Variants in HDGFL3 observed in about 807,000 individuals in gnomAD.
HDGFL3 encodes the protein HDGF like 3.
HDGFL3 carries 6 observed loss-of-function variants against 27.6 expected under a neutral mutation model. The ratio of observed to expected loss-of-function variants is 0.22; its 90% CI spans 0.12 to 0.43. The LOEUF is 0.43. Ranked by LOEUF, HDGFL3 falls within the 20% of genes least tolerant of loss-of-function variation. The pLI is 1.00. For synonymous variants in HDGFL3, 88 were observed against 88.9 expected (o/e 0.99, Z 0.05); for missense variants, 207 against 250.1 (o/e 0.83, Z 1.16).
At chr15:83,205,120 C>CT (rs1015244275) in intron 1 of HDGFL3, among the ~76,000 whole-genome samples, 2 of 152,110 alleles carry the variant, frequency 1.3e-5, no homozygotes, top group Admixed American at 6.5e-5. Flanking sequence ...ATAAGCAAGA[C>CT]TTTTTTTCCC....
chr15:83,141,381 A>T (rs773208392), intron 5 of HDGFL3, among the ~76,000 whole-genome samples: 2 of 152,236 alleles, frequency 1.3e-5, no homozygotes, highest in African/African-American at 4.8e-5. Flanking sequence ...CAGAAGCCGT[A>T]AGGATCTTTT....
intron 1 of HDGFL3, among the ~76,000 whole-genome samples, chr15:83,180,279 G>A (rs753687216): frequency 6.6e-6 from 1 of 152,106 alleles, no homozygotes; most frequent in Non-Finnish European, 1.5e-5. Flanking sequence ...ATTATTATGA[G>A]GTTATAGAAT....
downstream of HDGFL3, among the ~76,000 whole-genome samples, chr15:83,125,548 T>C (rs545729576): frequency 1.3e-5 from 2 of 152,370 alleles, no homozygotes; most frequent in South Asian, 2.1e-4. Context: ...GAGGCTCTTA[T>C]ACATAGTAAA....
At chr15:83,194,541 T>C (rs1025541146) in intron 1 of HDGFL3, among the ~76,000 whole-genome samples, 3 of 152,244 alleles carry the variant, frequency 2.0e-5, no homozygotes, top group Non-Finnish European at 4.4e-5. Context: ...ATTATTAAGA[T>C]GGTATAAATT....
intron 1 of HDGFL3, among the ~76,000 whole-genome samples, chr15:83,199,262 C>A (rs560557274): frequency 3.1e-4 from 47 of 152,264 alleles, no homozygotes; most frequent in African/African-American, 1.0e-3. Context: ...TATACTACTA[C>A]TCCCTCTGAA....
chr15:83,127,481 C>T (rs766564557), downstream of HDGFL3: 38 of 1,612,896 alleles, frequency 2.4e-5, 3 homozygotes, highest in Admixed American at 6.0e-4. Context: ...GGCTCAGGTA[C>T]TAAGAATATT....
At chr15:83,125,466 T>C (rs2035660504), downstream of HDGFL3, among the ~76,000 whole-genome samples, 1 of 152,230 alleles carries the variant, frequency 6.6e-6, no homozygotes, top group Non-Finnish European at 1.5e-5. Context: ...TGTTTTCCTC[T>C]CTGTAAAATA....
chr15:83,165,407 G>A (rs1249817215), intron 1 of HDGFL3, among the ~76,000 whole-genome samples: 3 of 152,082 alleles, frequency 2.0e-5, no homozygotes, highest in Admixed American at 1.3e-4. Flanking sequence ...AGAATCTCTA[G>A]CACATACCAG....
intron 4 of HDGFL3, 187 bp downstream of exon 4, chr15:83,157,228 T>A (rs2151401966): frequency 3.2e-6 from 2 of 623,752 alleles, no homozygotes; most frequent in Non-Finnish European, 5.6e-6. Flanking sequence ...CCCTAAAGAG[T>A]CAATAGTCAG....
At chr15:83,167,549 G>A (rs1435660936) in intron 1 of HDGFL3, among the ~76,000 whole-genome samples, 5 of 145,506 alleles carry the variant, frequency 3.4e-5, no homozygotes, top group Admixed American at 7.0e-5. Flanking sequence ...GGCAAAGTGA[G>A]ACTCCATCTC....
intron 5 of HDGFL3, among the ~76,000 whole-genome samples, chr15:83,149,675 CA>C (rs1259588045): frequency 2.6e-5 from 4 of 151,970 alleles, no homozygotes; most frequent in Non-Finnish European, 5.9e-5. Flanking sequence ...AATAAGAGTG[CA>C]ATGGGTTAAG....
downstream of HDGFL3, chr15:83,126,959 G>A (rs182897766): frequency 5.1e-3 from 3,888 of 767,314 alleles, 29 homozygotes; most frequent in Non-Finnish European, 5.4e-3. Flanking sequence ...TTGGGAGGCC[G>A]AGGCAGGTTG....
chr15:83,114,460 T>C (rs1011656601), exon 4 of HDGFL3: 2 of 152,316 alleles, frequency 1.3e-5, no homozygotes, highest in African/African-American at 4.8e-5. Flanking sequence ...GCTAATCACC[T>C]GGGAGGCTTC....
chr15:83,163,757 G>T (rs1244996871), intron 2 of HDGFL3: 1 of 475,272 alleles, frequency 2.1e-6, no homozygotes, highest in African/African-American at 2.0e-5. Flanking sequence ...GGAGACTTGT[G>T]GGTGATGACC....
chr15:83,145,152 G>T (rs1273518378), intron 5 of HDGFL3, among the ~76,000 whole-genome samples: 1 of 151,954 alleles, frequency 6.6e-6, no homozygotes, highest in Non-Finnish European at 1.5e-5. Context: ...AGACCATCAG[G>T]CTTTTTATCA....
At chr15:83,116,875 T>G (rs1431897844) in intron 3 of HDGFL3, among the ~76,000 whole-genome samples, 1 of 152,196 alleles carries the variant, frequency 6.6e-6, no homozygotes, top group Non-Finnish European at 1.5e-5. Context: ...TTTGGAAGAA[T>G]GCTGCTGTTT....
At position 83,198,537 on chromosome 15, in the gene HDGFL3, C is replaced by G. The variant is rs531937183; in HGVS notation, c.84+8794G>C. Among the ~76,000 whole-genome samples the G allele has an allele frequency of 6.6e-4, 100 of 152,198 alleles. 1 individual carries two copies. Among genetic ancestry groups the G allele is most frequent in the African/African-American group, 2.2e-3 (93 of 41,540 alleles). On this transcript the variant is annotated intron_variant, in intron 1 of 5. Coordinates refer to ENST00000299633, the MANE Select transcript of HDGFL3 (RefSeq NM_016073.4). ...GTGCATCTTAGTCCATTTTGGGTTG[C>G]TGTAACAGAATAAATGAGGCTGGGT...
At chr15:83,166,793 G>C (rs1485132226) in intron 1 of HDGFL3, among the ~76,000 whole-genome samples, 2 of 152,158 alleles carry the variant, frequency 1.3e-5, no homozygotes, top group Admixed American at 6.5e-5. Flanking sequence ...AGAGAGAAAA[G>C]GGGGAAGGTG....
chr15:83,203,768 T>C (rs1423138588), intron 1 of HDGFL3, among the ~76,000 whole-genome samples: 1 of 151,728 alleles, frequency 6.6e-6, no homozygotes, highest in African/African-American at 2.4e-5. Flanking sequence ...ACATATTGTT[T>C]TCATCATGTC....
Sources: gnomAD v4.1 joint callset for allele counts (sites outside exome capture counted in the v4.1 genomes callset) on GRCh38, gnomAD v4.1.1 for gene constraint, MANE v1.5 for transcripts, NCBI Gene and HGNC (gene_info 2026-07-23, HGNC 2026-07-21) for gene names.